MAP4K4: variants seen among roughly 807,000 people sequenced by gnomAD.
The protein encoded by MAP4K4 is HPK/GCK-like kinase HGK.
MAP4K4 carries 38 observed loss-of-function variants against 189.6 expected under a neutral mutation model. The ratio of observed to expected loss-of-function variants is 0.20; its 90% CI spans 0.15 to 0.26. The LOEUF is 0.26. MAP4K4 is among the 10% of genes least tolerant of loss of function. The probability of loss-of-function intolerance (pLI) is 1.00; values close to 1 mark genes in which losing one functional copy is unlikely to be tolerated. For missense variants in MAP4K4, 1,054 were observed against 1,726.9 expected (o/e 0.61, Z 6.91); for synonymous variants, 610 against 624.3 (o/e 0.98, Z 0.34).
intron 2 of MAP4K4, among the ~76,000 whole-genome samples, chr2:101,786,476 C>T (rs17205284): frequency 0.067 from 10,220 of 152,010 alleles, 473 homozygotes; most frequent in Non-Finnish European, 0.099. Context: ...GTTGCTCTAT[C>T]AAAGGGGATA....
chr2:101,807,811 C>T (rs1240326937), intron 3 of MAP4K4, among the ~76,000 whole-genome samples: 6 of 152,218 alleles, frequency 3.9e-5, no homozygotes, highest in Admixed American at 6.5e-5. Flanking sequence ...AGGGAAGGAG[C>T]GCTCTGCACA....
exon 1 of MAP4K4, chr2:101,698,086 G>C: frequency 7.5e-7 from 1 of 1,324,538 alleles, no homozygotes; most frequent in Non-Finnish European, 1.0e-6. Flanking sequence ...GGAAAATGGC[G>C]AACGACTCCC....
intron 10 of MAP4K4, among the ~76,000 whole-genome samples, chr2:101,840,316 T>C (rs2096877986): frequency 6.6e-6 from 1 of 152,216 alleles, no homozygotes; most frequent in Non-Finnish European, 1.5e-5. Flanking sequence ...CACTGGGGTG[T>C]ATTGAGCATC....
chr2:101,858,930 C>T, intron 13 of MAP4K4, 66 bp from the exon 14 acceptor site: 1 of 1,165,244 alleles, frequency 8.6e-7, no homozygotes, highest in East Asian at 2.4e-5. Context: ...TCTTGGTGCT[C>T]CATTCAGGTG....
At chr2:101,862,666 C>A (rs1160482595) in intron 16 of MAP4K4, among the ~76,000 whole-genome samples, 1 of 152,140 alleles carries the variant, frequency 6.6e-6, no homozygotes, top group Non-Finnish European at 1.5e-5. Flanking sequence ...CCTGTTCATT[C>A]TTTGGGGGAG....
intron 27 of MAP4K4, among the ~76,000 whole-genome samples, chr2:101,881,034 T>C (rs1161685642): frequency 6.6e-6 from 1 of 152,192 alleles, no homozygotes; most frequent in Non-Finnish European, 1.5e-5. Context: ...TTGATTAGAA[T>C]TGCATTGACT....
At chr2:101,886,671 C>T (rs1467497842) in intron 29 of MAP4K4, among the ~76,000 whole-genome samples, 5 of 152,102 alleles carry the variant, frequency 3.3e-5, no homozygotes, top group Non-Finnish European at 5.9e-5. Flanking sequence ...AGTATTGTTG[C>T]CTTACGGTTG....
At chr2:101,698,235 G>A (rs2035590202) in intron 1 of MAP4K4, 98 bp downstream of exon 1, 1 of 457,492 alleles carries the variant, frequency 2.2e-6, no homozygotes, top group African/African-American at 2.1e-5. Flanking sequence ...CGCCGCCGTG[G>A]GCAGAGCCGC....
At chr2:101,719,351 A>G (rs1574169058) in intron 2 of MAP4K4, among the ~76,000 whole-genome samples, 1 of 152,194 alleles carries the variant, frequency 6.6e-6, no homozygotes, top group East Asian at 1.9e-4. Flanking sequence ...TAAGTGTTTG[A>G]GACAGTGAAT....
chr2:101,842,264 G>A (rs952051422), intron 10 of MAP4K4, among the ~76,000 whole-genome samples: 1 of 152,128 alleles, frequency 6.6e-6, no homozygotes, highest in African/African-American at 2.4e-5. Flanking sequence ...CATCAAAGTG[G>A]ATTTTGGTGA....
intron 2 of MAP4K4, among the ~76,000 whole-genome samples, chr2:101,729,472 T>C (rs1439065220): frequency 1.3e-5 from 2 of 152,214 alleles, no homozygotes; most frequent in East Asian, 1.9e-4. Flanking sequence ...GTTTTAACTG[T>C]ATTTTTTATT....
At chr2:101,829,448 G>A in intron 5 of MAP4K4, 56 bp from the exon 6 acceptor site, 1 of 1,161,256 alleles carries the variant, frequency 8.6e-7, no homozygotes, top group Non-Finnish European at 1.3e-6. Flanking sequence ...GTGTGTTCCT[G>A]GCTGTTTACT....
chr2:101,879,030 G>C (rs992376403), intron 27 of MAP4K4, among the ~76,000 whole-genome samples: 2 of 151,582 alleles, frequency 1.3e-5, no homozygotes, highest in Non-Finnish European at 2.9e-5. Context: ...CAGTTCATGG[G>C]GATCAATACT....
At chr2:101,797,697 G>A (rs2093867187) in intron 3 of MAP4K4, among the ~76,000 whole-genome samples, 1 of 151,856 alleles carries the variant, frequency 6.6e-6, no homozygotes, top group African/African-American at 2.4e-5. Context: ...TATAAGACAA[G>A]ACCTTGAAGA....
intron 2 of MAP4K4, among the ~76,000 whole-genome samples, chr2:101,723,077 A>T (rs1427182764): frequency 6.6e-6 from 1 of 152,222 alleles, no homozygotes; most frequent in Non-Finnish European, 1.5e-5. Context: ...AAATGAATGC[A>T]GGAGGAACTG....
intron 2 of MAP4K4, among the ~76,000 whole-genome samples, chr2:101,784,284 G>GTGTA (rs1250321320): frequency 3.6e-5 from 5 of 140,268 alleles, no homozygotes; most frequent in Non-Finnish European, 3.1e-5. Flanking sequence ...GTGTGTGTGT[G>GTGTA]TGTATGTGTG....
At chr2:101,859,806 C>T in exon 15 of MAP4K4, 1 of 1,611,124 alleles carries the variant, frequency 6.2e-7, no homozygotes, top group Non-Finnish European at 8.5e-7. Context: ...AGGAGCAAGC[C>T]AAGCTTCCAT....
chr2:101,753,154 A>C (rs980697153), intron 2 of MAP4K4, among the ~76,000 whole-genome samples: 1 of 152,246 alleles, frequency 6.6e-6, no homozygotes, highest in Non-Finnish European at 1.5e-5. Flanking sequence ...TTAGATGATG[A>C]AACTGAAGCT....
intron 25 of MAP4K4, 32 bp from the exon 26 acceptor site, chr2:101,874,050 C>T (rs2098130431): frequency 1.9e-6 from 3 of 1,590,292 alleles, no homozygotes; most frequent in Admixed American, 1.7e-5. Context: ...TGTGTGTGTA[C>T]AGAAAATAAT....
Sources: gnomAD v4.1 joint callset for allele counts (sites outside exome capture counted in the v4.1 genomes callset) on GRCh38, gnomAD v4.1.1 for gene constraint, MANE v1.5 for transcripts, NCBI Gene and HGNC (gene_info 2026-07-23, HGNC 2026-07-21) for gene names.